The following ANK3 variants were observed in gnomAD, a reference collection of about 807,000 sequenced individuals.
The protein encoded by ANK3 is ankyrin 3.
A neutral mutation model predicts 370.9 loss-of-function variants in ANK3; 57 were observed. The observed-to-expected ratio is 0.15, with a 90% confidence interval of 0.12 to 0.19. The LOEUF (loss-of-function observed/expected upper bound fraction) is 0.19. Among genes scored for constraint, ANK3 ranks in the 10% least tolerant of loss-of-function variants. The pLI is 1.00. For missense variants in ANK3, 4,439 were observed against 5,302.1 expected (o/e 0.84, Z 5.06); for synonymous variants, 1,929 against 1,946.3 (o/e 0.99, Z 0.23).
At chr10:60,234,307 T>A (rs2097296706) in intron 8 of ANK3, among the ~76,000 whole-genome samples, 1 of 152,210 alleles carries the variant, frequency 6.6e-6, no homozygotes, top group Non-Finnish European at 1.5e-5. Context: ...AGCTCCACAC[T>A]GTTTTCCATA....
intron 2 of ANK3, among the ~76,000 whole-genome samples, chr10:60,550,856 T>A (rs1017705540): frequency 6.6e-6 from 1 of 152,086 alleles, no homozygotes; most frequent in Non-Finnish European, 1.5e-5. Flanking sequence ...CACTAGATTT[T>A]ATGCCTTTTT....
At chr10:60,248,576 C>T (rs551899095) in intron 7 of ANK3, among the ~76,000 whole-genome samples, 1 of 152,260 alleles carries the variant, frequency 6.6e-6, no homozygotes, top group Admixed American at 6.5e-5. Context: ...ATTTGTTTGA[C>T]ATGAGAACAA....
chr10:60,423,288 G>A (rs186034599), intron 2 of ANK3, among the ~76,000 whole-genome samples: 106 of 151,614 alleles, frequency 7.0e-4, no homozygotes, highest in African/African-American at 2.4e-3. Flanking sequence ...TTCCTTTATT[G>A]ACAATCATTG....
At chr10:60,319,324 A>G (rs984610343) in intron 1 of ANK3, among the ~76,000 whole-genome samples, 1 of 152,172 alleles carries the variant, frequency 6.6e-6, no homozygotes. Context: ...CCAGGAAACC[A>G]ATGCTCATAG....
At chr10:60,142,745 T>C (rs777180599) in intron 23 of ANK3, among the ~76,000 whole-genome samples, 3 of 152,102 alleles carry the variant, frequency 2.0e-5, no homozygotes, top group Non-Finnish European at 4.4e-5. Flanking sequence ...AAAATAGCCT[T>C]ATAACATTAA....
chr10:60,684,513 T>C (rs1447656619), intron 1 of ANK3: 60 of 1,503,134 alleles, frequency 4.0e-5, no homozygotes, highest in African/African-American at 5.6e-5. Flanking sequence ...AAATGGGGAA[T>C]GGACTATCAG....
At chr10:60,256,073 A>C (rs2097730592) in intron 7 of ANK3, among the ~76,000 whole-genome samples, 1 of 152,230 alleles carries the variant, frequency 6.6e-6, no homozygotes, top group Non-Finnish European at 1.5e-5. Context: ...ACACTGTTAC[A>C]GAGGACCTAT....
chr10:60,591,338 T>G (rs1287853293), intron 2 of ANK3, among the ~76,000 whole-genome samples: 1 of 150,658 alleles, frequency 6.6e-6, no homozygotes, highest in Non-Finnish European at 1.5e-5. Context: ...TTTATTTATT[T>G]ATTTATTTAT....
chr10:60,296,710 T>C (rs9633531), intron 1 of ANK3, among the ~76,000 whole-genome samples: 95,286 of 152,014 alleles, frequency 0.63, 30,022 homozygotes, highest in South Asian at 0.79. Context: ...TAGGGCTAGG[T>C]GCAGTGGGTC....
intron 2 of ANK3, among the ~76,000 whole-genome samples, chr10:60,436,614 T>C (rs1270054176): frequency 6.6e-6 from 1 of 152,224 alleles, no homozygotes; most frequent in African/African-American, 2.4e-5. Context: ...TCTTGATAAC[T>C]ACCGATTCAA....
chr10:60,340,895 G>T (rs1032457863), intron 1 of ANK3, among the ~76,000 whole-genome samples: 1 of 152,004 alleles, frequency 6.6e-6, no homozygotes, highest in Non-Finnish European at 1.5e-5. Context: ...TTCTATTATC[G>T]TAACCATTTT....
At chr10:60,400,198 G>A (rs1272583349) in intron 2 of ANK3, among the ~76,000 whole-genome samples, 1 of 152,092 alleles carries the variant, frequency 6.6e-6, no homozygotes, top group African/African-American at 2.4e-5. Flanking sequence ...CAGTCAGACT[G>A]GTGAGACAAG....
chr10:60,639,395 A>G (rs1160660587), intron 1 of ANK3, among the ~76,000 whole-genome samples: 1 of 151,448 alleles, frequency 6.6e-6, no homozygotes, highest in Non-Finnish European at 1.5e-5. Context: ...AAGGTCTTAG[A>G]AGAGAAATGA....
chr10:60,536,076 T>C (rs1384764240), intron 2 of ANK3, among the ~76,000 whole-genome samples: 1 of 152,124 alleles, frequency 6.6e-6, no homozygotes, highest in South Asian at 2.1e-4. Flanking sequence ...GTTGCAAATA[T>C]TTTACAAAAT....
At chr10:60,669,859 G>A (rs1387813948) in intron 1 of ANK3, among the ~76,000 whole-genome samples, 1 of 152,076 alleles carries the variant, frequency 6.6e-6, no homozygotes, top group Non-Finnish European at 1.5e-5. Context: ...GCCTTGCTCT[G>A]TCACCCAGGC....
intron 1 of ANK3, among the ~76,000 whole-genome samples, chr10:60,697,820 T>G (rs1348655687): frequency 1.3e-5 from 2 of 151,800 alleles, no homozygotes; most frequent in Non-Finnish European, 2.9e-5. Flanking sequence ...AACCTAGGCA[T>G]TACCATTCAG....
chr10:60,084,980 G>A (rs886854975), intron 31 of ANK3, 150 bp from the exon 32 acceptor site: 14 of 754,518 alleles, frequency 1.9e-5, no homozygotes, highest in Middle Eastern at 2.7e-4. Context: ...ATGCTTTTTC[G>A]ATGTATCAAA....
At chr10:60,589,490 CT>C (rs145587272) in intron 2 of ANK3, among the ~76,000 whole-genome samples, 1 of 152,110 alleles carries the variant, frequency 6.6e-6, no homozygotes, top group Non-Finnish European at 1.5e-5. Flanking sequence ...TACTGATAGA[CT>C]TTTTTTAAGT....
chr10:60,699,460 T>G (rs1343094395), intron 1 of ANK3, among the ~76,000 whole-genome samples: 3 of 152,094 alleles, frequency 2.0e-5, no homozygotes, highest in Non-Finnish European at 4.4e-5. Flanking sequence ...TGATCAAATC[T>G]TTTAATACAA....
Sources: allele counts gnomAD v4.1 joint callset (sites outside exome capture counted in the v4.1 genomes callset), GRCh38; gene constraint gnomAD v4.1.1; transcripts MANE v1.5; gene names NCBI Gene and HGNC (gene_info 2026-07-23, HGNC 2026-07-21).